The following CABIN1 variants were observed in gnomAD, a reference collection of about 807,000 sequenced individuals.
The protein encoded by CABIN1 is calcineurin-binding protein cabin-1.
In CABIN1, 133 loss-of-function variants were observed where a neutral mutation model predicts 227.7. That is an observed-to-expected ratio of 0.58 (90% CI 0.51 to 0.67). The LOEUF (loss-of-function observed/expected upper bound fraction) is 0.67, where lower values mean the gene tolerates loss of function less well. Ranked by LOEUF, CABIN1 falls within the 30% of genes least tolerant of loss-of-function variation. The probability of loss-of-function intolerance (pLI) is 0.00; values close to 1 mark genes in which losing one functional copy is unlikely to be tolerated. For missense variants in CABIN1, 2,408 were observed against 2,852.5 expected (o/e 0.84, Z 3.55); for synonymous variants, 1,086 against 1,155.1 (o/e 0.94, Z 1.21).
At chr22:24,162,238 C>G (rs2046199514) in intron 29 of CABIN1, 1 of 152,246 alleles carries the variant, frequency 6.6e-6, no homozygotes, top group Non-Finnish European at 1.5e-5. Context: ...GCACACCGCC[C>G]CAGGCCACAG....
intron 23 of CABIN1, among the ~76,000 whole-genome samples, chr22:24,090,841 T>C (rs563154934): frequency 6.6e-6 from 1 of 152,226 alleles, no homozygotes; most frequent in East Asian, 1.9e-4. Context: ...CCTGGGCTGC[T>C]CAGAGCAGCT....
At chr22:24,055,905 A>G (rs955380169) in intron 9 of CABIN1, among the ~76,000 whole-genome samples, 1 of 152,174 alleles carries the variant, frequency 6.6e-6, no homozygotes, top group Non-Finnish European at 1.5e-5. Context: ...TCAGCCGACC[A>G]GTGAGGGGAT....
chr22:24,014,576 C>G (rs1029496681), intron 1 of CABIN1, among the ~76,000 whole-genome samples: 1 of 152,100 alleles, frequency 6.6e-6, no homozygotes, highest in Non-Finnish European at 1.5e-5. Context: ...TAGGTTAGTT[C>G]CTTTCTTCCT....
intron 26 of CABIN1, 99 bp downstream of exon 26, chr22:24,098,291 G>C: frequency 6.4e-7 from 1 of 1,564,016 alleles, no homozygotes. Flanking sequence ...TGGTGAGGGG[G>C]GGTGCTGGGT....
chr22:24,113,226 T>G (rs1019638142), intron 26 of CABIN1, among the ~76,000 whole-genome samples: 10 of 152,256 alleles, frequency 6.6e-5, no homozygotes, highest in Non-Finnish European at 8.8e-5. Flanking sequence ...GTTGGTAACT[T>G]GAAAATTGCC....
rs770718964 is a variant in CABIN1 at position 24,038,397 on chromosome 22, A to G, written c.146A>G (p.His49Arg). 1.2e-6 allele frequency: 2 copies of G among 1,613,998 alleles called. No individual in the cohort carries two copies. Among genetic ancestry groups the G allele is most frequent in the Admixed American group, 1.7e-5 (1 of 59,994 alleles). Residue 49 changes from histidine to arginine, a missense_variant, in exon 4 of 37, where the codon CAT (histidine) becomes CGT (arginine). Around this residue, in one of 3 missense-constraint regions of CABIN1, gnomAD observed 1,045 missense variants for 1,168.4 expected, o/e 0.89. Transcript: ENST00000263119. ...CACAAGGCCCTTGATCTGCAGAAAC[A>G]TGACCGGTTTGAGGAGTCTGCCAAA... is the stretch of plus-strand genomic sequence containing the variant. Reference protein sequence around the residue: ...LYHKALDLQKHDRFEESAKAY... With the variant: ...LYHKALDLQKRDRFEESAKAY...
intron 29 of CABIN1, among the ~76,000 whole-genome samples, chr22:24,140,745 C>T (rs917185778): frequency 6.6e-6 from 1 of 152,222 alleles, no homozygotes; most frequent in South Asian, 2.1e-4. Context: ...CAGGGCCAGG[C>T]TGGTACTGCC....
intron 29 of CABIN1, among the ~76,000 whole-genome samples, chr22:24,134,791 G>T (rs2044289753): frequency 6.6e-6 from 1 of 152,224 alleles, no homozygotes; most frequent in South Asian, 2.1e-4. Flanking sequence ...TAAAAAACAA[G>T]TGTGGGCCGG....
At chr22:24,167,391 G>T in intron 32 of CABIN1, 78 bp downstream of exon 32, 12 of 1,434,290 alleles carry the variant, frequency 8.4e-6, no homozygotes, top group South Asian at 1.2e-5. Context: ...CTCAAGGAGG[G>T]TCTCCCAGGC....
At chr22:24,092,658 C>A (rs2041621940) in intron 24 of CABIN1, among the ~76,000 whole-genome samples, 1 of 143,850 alleles carries the variant, frequency 7.0e-6, no homozygotes, top group South Asian at 2.3e-4. Flanking sequence ...CTTTTTTCTG[C>A]CTTTGTGATT....
At chr22:24,029,641 A>G (rs1034789969) in intron 1 of CABIN1, among the ~76,000 whole-genome samples, 1 of 152,212 alleles carries the variant, frequency 6.6e-6, no homozygotes, top group Non-Finnish European at 1.5e-5. Context: ...TGTGTCCATT[A>G]TTCTGGCTTC....
chr22:24,129,763 CAG>C (rs1291944716), intron 28 of CABIN1, among the ~76,000 whole-genome samples: 1 of 152,080 alleles, frequency 6.6e-6, no homozygotes, highest in African/African-American at 2.4e-5. Flanking sequence ...AGGGGAGCAT[CAG>C]GGGGAAAGGT....
intron 1 of CABIN1, among the ~76,000 whole-genome samples, chr22:24,034,767 C>T (rs1204093366): frequency 1.3e-5 from 2 of 152,226 alleles, no homozygotes; most frequent in Admixed American, 1.3e-4. Context: ...CCAATCCTGT[C>T]ATCTTTTGCA....
At chr22:24,113,137 G>A (rs778378685) in intron 26 of CABIN1, among the ~76,000 whole-genome samples, 6 of 152,210 alleles carry the variant, frequency 3.9e-5, no homozygotes, top group Non-Finnish European at 8.8e-5. Context: ...ATTTGTTTCT[G>A]TTATATTTAT....
chr22:24,166,857 C>G lies in CABIN1; in HGVS notation c.5226C>G (p.Asp1742Glu). 1 of 1,612,806 alleles carries G rather than the reference C, an allele frequency of 6.2e-7. No individual in the cohort carries two copies. Among genetic ancestry groups the G allele is most frequent in the Non-Finnish European group, 8.5e-7 (1 of 1,179,862 alleles). Residue 1742 changes from aspartate (D) to glutamate (E), a missense_variant, in exon 32 of 37, where the codon GAC becomes GAG. By Grantham distance (45) the Asp-to-Glu change is conservative (BLOSUM62 2). Around this residue, in one of 3 missense-constraint regions of CABIN1, gnomAD observed 714 missense variants for 773.8 expected, o/e 0.92. Transcript: ENST00000263119. ...CCATGGATGCAGGAGACAGTGCAGA[C>G]CAAAGCGGGGAGCGGAAGGATAAAG... ...PVAMDAGDSADQSGERKDKES... is the reference protein window; with the variant it reads ...PVAMDAGDSAEQSGERKDKES...
At chr22:24,164,735 A>G (rs879708411) in intron 30 of CABIN1, among the ~76,000 whole-genome samples, 172 bp downstream of exon 30, 9 of 151,932 alleles carry the variant, frequency 5.9e-5, no homozygotes, top group Non-Finnish European at 1.2e-4. Flanking sequence ...TAGAACCTAA[A>G]CAACACTTCC....
At chr22:24,162,944 C>T (rs2046241225) in intron 29 of CABIN1, among the ~76,000 whole-genome samples, 2 of 152,192 alleles carry the variant, frequency 1.3e-5, no homozygotes, top group Admixed American at 6.5e-5. Context: ...TGCTGCAGCA[C>T]AGCGGATGGA....
intron 24 of CABIN1, among the ~76,000 whole-genome samples, chr22:24,093,096 G>C (rs760075576): frequency 1.3e-5 from 2 of 152,132 alleles, no homozygotes; most frequent in Non-Finnish European, 2.9e-5. Context: ...GTATTTCCAA[G>C]GACTAGAGTC....
At chr22:24,111,234 G>A (rs944985919) in intron 26 of CABIN1, among the ~76,000 whole-genome samples, 5 of 152,212 alleles carry the variant, frequency 3.3e-5, no homozygotes, top group Admixed American at 1.3e-4. Context: ...ATCTAAACAT[G>A]CTCAGAACAC....
Sources: gnomAD v4.1 joint callset for allele counts (sites outside exome capture counted in the v4.1 genomes callset) on GRCh38, gnomAD v4.1.1 for gene constraint, gnomAD v4.1.1 regional missense constraint, MANE v1.5 for transcripts, NCBI Gene and HGNC (gene_info 2026-07-23, HGNC 2026-07-21) for gene names.